The following AKR1B1 variants were observed in gnomAD, a reference collection of about 807,000 sequenced individuals.
AKR1B1 encodes the protein aldo-keto reductase family 1 member B1.
AKR1B1 carries 22 observed loss-of-function variants against 40.4 expected under a neutral mutation model. That is an observed-to-expected ratio of 0.54 (90% CI 0.39 to 0.78). AKR1B1 has a LOEUF of 0.78. AKR1B1 is among the 30% of genes least tolerant of loss of function. The pLI is 0.00. For synonymous variants in AKR1B1, 157 were observed against 149.9 expected (o/e 1.05, Z -0.35); for missense variants, 357 against 396.7 (o/e 0.90, Z 0.85).
At chr7:134,450,711 G>T in intron 3 of AKR1B1, 75 bp downstream of exon 3, 1 of 1,122,606 alleles carries the variant, frequency 8.9e-7, no homozygotes, top group Non-Finnish European at 1.4e-6. Context: ...CACGTAATCT[G>T]CTAAGGGAGC....
chr7:134,449,710 G>T lies in AKR1B1; in HGVS notation c.429+10C>A, dbSNP rs966678667. Reference sequence around the variant, plus strand: ...TCACGAAAACAAGGTCCAACCAGGGGCTGTCTTACCGCCCACGTGTCCAGA... The same window carrying T: ...TCACGAAAACAAGGTCCAACCAGGGTCTGTCTTACCGCCCACGTGTCCAGA... On this transcript the variant is annotated intron_variant, in intron 4 of 9. Coordinates refer to ENST00000285930, the MANE Select transcript of AKR1B1 (RefSeq NM_001628.4). The T allele has an allele frequency of 1.2e-6, 2 of 1,611,752 alleles. No individual in the cohort carries two copies. Among genetic ancestry groups the T allele is most frequent in the South Asian group, 1.1e-5 (1 of 91,038 alleles).
intron 1 of AKR1B1, among the ~76,000 whole-genome samples, chr7:134,453,613 C>T (rs762042172): frequency 4.6e-5 from 7 of 151,994 alleles, no homozygotes; most frequent in Non-Finnish European, 8.8e-5. Context: ...GATAATCAAG[C>T]TTGCGTTGGC....
chr7:134,453,522 C>T (rs1311686824), intron 1 of AKR1B1, among the ~76,000 whole-genome samples: 1 of 152,092 alleles, frequency 6.6e-6, no homozygotes, highest in Non-Finnish European at 1.5e-5. Context: ...AATCAATCCC[C>T]ACCCCAAACA....
chr7:134,451,418 G>T, intron 2 of AKR1B1, 168 bp downstream of exon 2: 1 of 800,154 alleles, frequency 1.2e-6, no homozygotes, highest in Non-Finnish European at 2.1e-6. Context: ...GAGAGCCAAG[G>T]ATGGGCGAGC....
At chr7:134,451,821 C>T in intron 1 of AKR1B1, 68 bp from the exon 2 acceptor site, 8 of 1,555,424 alleles carry the variant, frequency 5.1e-6, no homozygotes, top group African/African-American at 1.4e-5. Flanking sequence ...GGGGCAGTGG[C>T]AGCCACCGAT....
intron 5 of AKR1B1, among the ~76,000 whole-genome samples, 173 bp downstream of exon 5, chr7:134,448,824 T>G (rs1806190621): frequency 6.6e-6 from 1 of 152,136 alleles, no homozygotes; most frequent in South Asian, 2.1e-4. Context: ...TTCTTTCCTG[T>G]AAGTTTCCTC....
intron 8 of AKR1B1, 124 bp from the exon 9 acceptor site, chr7:134,445,444 A>T: frequency 1.2e-6 from 1 of 800,402 alleles, no homozygotes; most frequent in East Asian, 2.7e-5. Flanking sequence ...AACTGAACTT[A>T]GGAAAAGCTG....
At chr7:134,449,653 G>T in intron 4 of AKR1B1, 67 bp downstream of exon 4, 1 of 1,202,556 alleles carries the variant, frequency 8.3e-7, no homozygotes, top group African/African-American at 1.5e-5. Context: ...GAAATGGCAG[G>T]CAGATTGCTT....
At chr7:134,447,691 C>T (rs12669537) in intron 7 of AKR1B1, 114,091 of 608,058 alleles carry the variant, frequency 0.19, 11,442 homozygotes, top group South Asian at 0.28. Flanking sequence ...ATTCCCTGCA[C>T]GGCTAAGAGC....
intron 1 of AKR1B1, among the ~76,000 whole-genome samples, chr7:134,457,511 G>A (rs1018978826): frequency 6.6e-6 from 1 of 151,992 alleles, no homozygotes; most frequent in Non-Finnish European, 1.5e-5. Flanking sequence ...TGATCATTCT[G>A]GCCAAGAAAC....
chr7:134,445,790 C>T (rs1279499736), intron 8 of AKR1B1, among the ~76,000 whole-genome samples: 3 of 152,154 alleles, frequency 2.0e-5, no homozygotes, highest in African/African-American at 4.8e-5. Flanking sequence ...CAACCACAGC[C>T]GAAGAGGAGA....
Position 134,454,368 on chromosome 7 carries a change from G to A in AKR1B1, c.67-2615C>T, listed in dbSNP as rs536207710. On this transcript the variant is annotated intron_variant, in intron 1 of 9. Coordinates refer to ENST00000285930, the MANE Select transcript of AKR1B1 (RefSeq NM_001628.4). ...TCCTAGTTCCTCCTTTGATAACACC[G>A]GCTGGCTAATACCAACTCTGAGACA... 1.5e-4 allele frequency among the ~76,000 whole-genome samples: 23 copies of A among 152,236 alleles called. No homozygotes were observed. In the South Asian group the frequency reaches 2.5e-3, roughly 16 times the overall value.
At chr7:134,448,118 A>G in intron 6 of AKR1B1, 57 bp from the exon 7 acceptor site, 1 of 1,429,794 alleles carries the variant, frequency 7.0e-7, no homozygotes, top group Non-Finnish European at 9.7e-7. Flanking sequence ...CACAGCAGCC[A>G]GAAACCCCAA....
In AKR1B1 at chr7:134,448,390, G is replaced by A. The variant is rs1806171391; in HGVS notation, c.656C>T (p.Pro219Leu). 6.2e-7 allele frequency: 1 copy of A among 1,612,326 alleles called. No homozygotes were observed. Among genetic ancestry groups the A allele is most frequent in the Middle Eastern group, 1.7e-4 (1 of 5,918 alleles). The change falls in exon 6 of 10, where the codon CCC (proline) becomes CTC (leucine). Residue 219 changes from proline (P) to leucine (L), a missense_variant. By Grantham distance (98) the Pro-to-Leu change is moderately conservative (BLOSUM62 -3). Transcript: ENST00000285930. The stretch of plus-strand genomic sequence containing the variant: ...CATGAGCCTGTGGGAAGCTCACCAG[G>A]GCCTGTCAGGAGAGCCGAGGGGGCT... ...AYSPLGSPDR[P>L]WAKPEDPSLL...
intron 1 of AKR1B1, 99 bp from the exon 2 acceptor site, chr7:134,451,852 C>T: frequency 7.4e-7 from 1 of 1,347,960 alleles, no homozygotes; most frequent in Non-Finnish European, 1.0e-6. Context: ...CAGCCTGCCA[C>T]TTTGTTCAGC....
intron 4 of AKR1B1, 96 bp downstream of exon 4, chr7:134,449,624 A>G (rs2117454748): frequency 9.6e-7 from 1 of 1,038,506 alleles, no homozygotes; most frequent in Non-Finnish European, 1.5e-6. Context: ...CAGGGACAGA[A>G]TAACAAAATG....
rs777986468 is a variant in AKR1B1, at chr7:134,450,912, C to T, written c.235-10G>A. The T allele has an allele frequency of 6.8e-6, 11 of 1,608,990 alleles. No homozygotes were observed. Among genetic ancestry groups the T allele is most frequent in the South Asian group, 3.3e-5 (3 of 90,990 alleles). On this transcript the variant is annotated splice_polypyrimidine_tract_variant and intron_variant, in intron 2 of 9. Transcript: ENST00000285930. The stretch of plus-strand genomic sequence containing the variant: ...GGTACGTGCACCACAGCTAAGCCAG[C>T]GAGAGGGCACATGTCATCATTGCCA...
At position 134,448,076 on chromosome 7, in the gene AKR1B1, A is replaced by G. The variant is rs770157190; in HGVS notation, c.660-15T>C. 1 of 1,604,062 alleles carries G rather than the reference A, an allele frequency of 6.2e-7. No individual in the cohort carries two copies. Among genetic ancestry groups the G allele is most frequent in the Admixed American group, 1.7e-5 (1 of 59,476 alleles). ...CGGGCTTGGCCCTGAGGATAGAAAG[A>G]CAGTCCAGGTCACACCATCATGGCC... On this transcript the variant is annotated splice_polypyrimidine_tract_variant and intron_variant, in intron 6 of 9. Transcript: ENST00000285930.
chr7:134,447,179 TG>T, intron 8 of AKR1B1, 118 bp downstream of exon 8: 1 of 942,652 alleles, frequency 1.1e-6, no homozygotes. Context: ...CACAGCTCCC[TG>T]GCCTCAGAAG....
Sources: allele counts gnomAD v4.1 joint callset (sites outside exome capture counted in the v4.1 genomes callset), GRCh38; gene constraint gnomAD v4.1.1; transcripts MANE v1.5; gene names NCBI Gene and HGNC (gene_info 2026-07-23, HGNC 2026-07-21).